The following ZFX variants were observed in gnomAD, a reference collection of about 807,000 sequenced individuals.
ZFX encodes zinc finger protein X-linked.
For synonymous variants in ZFX, 196 were observed against 226.8 expected, an observed-to-expected ratio of 0.86 and a Z score of 1.22; for missense variants, 362 against 628.3, an observed-to-expected ratio of 0.58 and a Z score of 4.53.
chrX:24,155,645 G>T (rs765989685), intron 3 of ZFX, among the ~76,000 whole-genome samples: 1 of 112,151 alleles, frequency 8.9e-6, no homozygotes, highest in Non-Finnish European at 1.9e-5. Flanking sequence ...TGACACTCCC[G>T]CTGTGTTTGA....
chrX:24,158,632 A>G (rs774991196), intron 3 of ZFX, among the ~76,000 whole-genome samples: 11 of 110,177 alleles, frequency 1.0e-4, no homozygotes, highest in African/African-American at 3.6e-4. Context: ...TGCTGATGAT[A>G]TTTTTATTTA....
At chrX:24,153,597 T>C (rs1234340157) in intron 3 of ZFX, among the ~76,000 whole-genome samples, 1 of 112,109 alleles carries the variant, frequency 8.9e-6, no homozygotes, top group Non-Finnish European at 1.9e-5. Context: ...ATTGGGAAAC[T>C]TGCACAGCAT....
chrX:24,152,305 T>C (rs1055894150), intron 2 of ZFX, among the ~76,000 whole-genome samples: 5 of 109,793 alleles, frequency 4.6e-5, no homozygotes, highest in Non-Finnish European at 9.5e-5. Flanking sequence ...CTGGTTAATT[T>C]TTGTATTTTT....
chrX:24,205,952 T>A (rs770031334), intron 5 of ZFX, among the ~76,000 whole-genome samples: 58 of 111,895 alleles, frequency 5.2e-4, no homozygotes, highest in African/African-American at 1.0e-3. Context: ...CTTTTTTTTT[T>A]AAATTTTTTT....
Position 24,192,271 on chromosome X carries a change from G to GA in ZFX, c.646+12503dup, listed in dbSNP as rs1936582319. ...ACATCAGTCCCAAGATCACAGGTGT[G>GA]AATCTTGTTAAAACTTTAGAAAAGA... On this transcript the variant is annotated intron_variant, in intron 5 of 9. Coordinates refer to ENST00000304543, the MANE Select transcript of ZFX (RefSeq NM_003410.4). Among the ~76,000 whole-genome samples the GA allele has an allele frequency of 2.7e-5, 3 of 111,831 alleles. No homozygotes were observed. In the South Asian group the frequency reaches 1.1e-3, roughly 42 times the overall value.
At position 24,212,262 on chromosome X, in the gene ZFX, C is replaced by T. The variant is rs1436387704; in HGVS notation, c.*886C>T. On this transcript the variant is annotated 3_prime_UTR_variant, in exon 10 of 10. Transcript: ENST00000304543. Reference sequence around the variant, plus strand: ...ATATATACACATATATATCATGTACCTGTGTGTATTGCTTATTTTACATAT... The same window carrying T: ...ATATATACACATATATATCATGTACTTGTGTGTATTGCTTATTTTACATAT... 5 of 111,462 alleles carry T rather than the reference C, an allele frequency of 4.5e-5. No homozygotes were observed. The highest frequency in any genetic ancestry group is 9.4e-5 in the Non-Finnish European group (5 of 53,108). 9.2% of individuals were successfully genotyped at this position (111,462 alleles called of 1,213,427 possible).
At chrX:24,174,614 C>T (rs1218871344) in intron 4 of ZFX, among the ~76,000 whole-genome samples, 23 of 110,081 alleles carry the variant, frequency 2.1e-4, no homozygotes, top group African/African-American at 3.0e-4. Context: ...AGGATGGTCT[C>T]GATCTCTTGA....
intron 5 of ZFX, among the ~76,000 whole-genome samples, chrX:24,202,204 G>T (rs1937344350): frequency 9.0e-6 from 1 of 111,689 alleles, no homozygotes; most frequent in Non-Finnish European, 1.9e-5. Flanking sequence ...TTTCCTCTGA[G>T]ATCTGGATCC....
chrX:24,172,672 T>C (rs1934738531), intron 3 of ZFX, 43 bp from the exon 4 acceptor site: 3 of 999,695 alleles, frequency 3.0e-6, no homozygotes, highest in African/African-American at 1.9e-5. Flanking sequence ...ATACCTGATA[T>C]GAAAAAACTA....
intron 5 of ZFX, among the ~76,000 whole-genome samples, chrX:24,195,649 C>T (rs1162230258): frequency 1.8e-5 from 2 of 112,010 alleles, no homozygotes; most frequent in Non-Finnish European, 3.8e-5. Flanking sequence ...GCCACCATGC[C>T]CGGCGTGCCC....
At chrX:24,161,221 A>C (rs1601809254) in intron 3 of ZFX, among the ~76,000 whole-genome samples, 2 of 112,511 alleles carry the variant, frequency 1.8e-5, no homozygotes. Context: ...AAATGAAAGA[A>C]GACCTAAATT....
chrX:24,189,549 T>TA (rs1398838380), intron 5 of ZFX, among the ~76,000 whole-genome samples: 1 of 112,367 alleles, frequency 8.9e-6, no homozygotes, highest in Non-Finnish European at 1.9e-5. Context: ...GTTTAATGTA[T>TA]AAACCCTGAG....
intron 5 of ZFX, among the ~76,000 whole-genome samples, chrX:24,182,767 GA>G (rs200764687): frequency 2.8e-5 from 3 of 108,210 alleles, no homozygotes; most frequent in African/African-American, 6.7e-5. Context: ...AGACTTAAGG[GA>G]AAAAAAAAAT....
intron 6 of ZFX, 81 bp from the exon 7 acceptor site, chrX:24,207,631 A>G (rs1179288851): frequency 8.7e-7 from 1 of 1,152,196 alleles, no homozygotes; most frequent in East Asian, 3.0e-5. Context: ...AAAAAGTAAT[A>G]AGAAAATTAT....
At chrX:24,186,315 C>G (rs1205184803) in intron 5 of ZFX, among the ~76,000 whole-genome samples, 1 of 110,951 alleles carries the variant, frequency 9.0e-6, no homozygotes, top group Non-Finnish European at 1.9e-5. Flanking sequence ...CTGCACGTCT[C>G]ATTTAAAATG....
intron 5 of ZFX, among the ~76,000 whole-genome samples, chrX:24,206,146 G>A (rs1468275945): frequency 9.0e-6 from 1 of 111,490 alleles, no homozygotes; most frequent in African/African-American, 3.3e-5. Flanking sequence ...TGTATGTTAT[G>A]CATATTTACA....
intron 5 of ZFX, among the ~76,000 whole-genome samples, chrX:24,205,076 T>C (rs769503566): frequency 8.9e-6 from 1 of 112,187 alleles, no homozygotes; most frequent in South Asian, 3.7e-4. Context: ...GGAAAACAGA[T>C]ATGTCTAGCA....
chrX:24,176,849 A>G (rs762972182), intron 4 of ZFX, among the ~76,000 whole-genome samples: 18 of 112,321 alleles, frequency 1.6e-4, no homozygotes, highest in African/African-American at 5.8e-4. Flanking sequence ...AACCAGAGGC[A>G]CTAATCTACT....
rs758942664 is a variant in ZFX at position 24,179,647 on chromosome X, G to A, written c.523G>A (p.Val175Ile). The change falls in exon 5 of 10, where the codon GTA becomes ATA. Residue 175 changes from valine (V) to isoleucine (I), a missense_variant. Val to Ile is a conservative substitution (Grantham distance 29). Coordinates refer to ENST00000304543, the MANE Select transcript of ZFX (RefSeq NM_003410.4). Reference sequence around the variant, plus strand: ...TGTCACTGATCCTCTGACTACCGACGTAGTTTCAGAAGAAGTATTGGTAGC... The same window carrying A: ...TGTCACTGATCCTCTGACTACCGACATAGTTTCAGAAGAAGTATTGGTAGC... ...EIVTDPLTTD[V>I]VSEEVLVADC... The A allele has an allele frequency of 3.3e-6, 4 of 1,211,895 alleles. No individual in the cohort carries two copies. Among genetic ancestry groups the A allele is most frequent in the East Asian group, 3.0e-5 (1 of 33,866 alleles).
Sources: allele counts gnomAD v4.1 joint callset (sites outside exome capture counted in the v4.1 genomes callset), GRCh38; gene constraint gnomAD v4.1.1; transcripts MANE v1.5; gene names NCBI Gene and HGNC (gene_info 2026-07-23, HGNC 2026-07-21).